PTPRD: variants seen among roughly 807,000 people sequenced by gnomAD.
The protein encoded by PTPRD is protein tyrosine phosphatase receptor type D.
In PTPRD, 34 loss-of-function variants were observed where a neutral mutation model predicts 214.5. The ratio of observed to expected loss-of-function variants is 0.16; its 90% CI spans 0.12 to 0.21. PTPRD has a LOEUF of 0.21. PTPRD is among the 10% of genes least tolerant of loss of function. PTPRD has a pLI of 1.00. For synonymous variants in PTPRD, 1,128 were observed against 845.7 expected, an observed-to-expected ratio of 1.33 and a Z score of -5.79; for missense variants, 2,545 against 2,398.7, an observed-to-expected ratio of 1.06 and a Z score of -1.27.
intron 2 of PTPRD, among the ~76,000 whole-genome samples, chr9:10,347,820 G>C (rs982341163): frequency 1.3e-5 from 2 of 152,062 alleles, no homozygotes; most frequent in Non-Finnish European, 2.9e-5. Flanking sequence ...CACTTTGGGA[G>C]GCCGAGGCAG....
intron 2 of PTPRD, among the ~76,000 whole-genome samples, chr9:10,436,876 G>T (rs562672105): frequency 6.6e-6 from 1 of 151,848 alleles, no homozygotes; most frequent in Non-Finnish European, 1.5e-5. Context: ...TGAAAACAGA[G>T]TTTAAGAGCT....
At chr9:8,504,467 T>A in intron 22 of PTPRD, 62 bp from the exon 23 acceptor site, 3 of 1,568,586 alleles carry the variant, frequency 1.9e-6, no homozygotes, top group South Asian at 2.3e-5. Flanking sequence ...TTTTTAATCA[T>A]ACTGTCTGGA....
chr9:8,798,228 T>C (rs1198301318), intron 11 of PTPRD, among the ~76,000 whole-genome samples: 2 of 152,162 alleles, frequency 1.3e-5, no homozygotes, highest in Non-Finnish European at 2.9e-5. Context: ...ATTAGATCTT[T>C]AAATAAAATA....
chr9:8,556,822 T>C (rs1593645691), intron 14 of PTPRD, among the ~76,000 whole-genome samples: 1 of 152,078 alleles, frequency 6.6e-6, no homozygotes, highest in East Asian at 1.9e-4. Context: ...CTAAAAGAGA[T>C]AGCATAGGTG....
intron 3 of PTPRD, among the ~76,000 whole-genome samples, chr9:10,329,685 T>C (rs2096714151): frequency 6.6e-6 from 1 of 151,990 alleles, no homozygotes; most frequent in Non-Finnish European, 1.5e-5. Flanking sequence ...AAATAGAACG[T>C]GTGAAATAAT....
intron 14 of PTPRD, among the ~76,000 whole-genome samples, chr9:8,540,838 C>A (rs923610185): frequency 6.6e-6 from 1 of 152,058 alleles, no homozygotes; most frequent in African/African-American, 2.4e-5. Flanking sequence ...TCAGATATGT[C>A]TAAATAATTT....
intron 3 of PTPRD, among the ~76,000 whole-genome samples, chr9:10,247,684 CTG>C (rs1389873350): frequency 6.6e-6 from 1 of 152,142 alleles, no homozygotes; most frequent in Non-Finnish European, 1.5e-5. Context: ...ATACATCTCA[CTG>C]TTTTTCATGT....
At chr9:8,448,646 C>G (rs956003155) in intron 34 of PTPRD, among the ~76,000 whole-genome samples, 1 of 152,116 alleles carries the variant, frequency 6.6e-6, no homozygotes, top group East Asian at 1.9e-4. Context: ...CATTATGATG[C>G]TTGTATAGCC....
chr9:10,276,052 T>C (rs911526446), intron 3 of PTPRD, among the ~76,000 whole-genome samples: 2 of 152,210 alleles, frequency 1.3e-5, no homozygotes, highest in Non-Finnish European at 1.5e-5. Flanking sequence ...CCTGTACTAA[T>C]GTTTAGCACA....
At chr9:8,935,417 T>A (rs2154289289) in intron 11 of PTPRD, among the ~76,000 whole-genome samples, 1 of 30,998 alleles carries the variant, frequency 3.2e-5, no homozygotes, top group African/African-American at 1.3e-4. Context: ...AATCGAAAGA[T>A]CTGTACATAG....
At chr9:9,639,855 G>C (rs2095879546) in intron 7 of PTPRD, among the ~76,000 whole-genome samples, 1 of 151,992 alleles carries the variant, frequency 6.6e-6, no homozygotes, top group South Asian at 2.1e-4. Flanking sequence ...TTATCTCTAA[G>C]CTAAATTTAT....
intron 11 of PTPRD, among the ~76,000 whole-genome samples, chr9:8,960,697 G>A (rs779492870): frequency 2.6e-5 from 4 of 152,126 alleles, no homozygotes; most frequent in Non-Finnish European, 5.9e-5. Flanking sequence ...GACTCTGGCT[G>A]AAGCCAGAGA....
At chr9:9,508,074 A>G (rs1234308469) in intron 8 of PTPRD, among the ~76,000 whole-genome samples, 1 of 151,672 alleles carries the variant, frequency 6.6e-6, no homozygotes, top group Non-Finnish European at 1.5e-5. Context: ...ATAATTTATA[A>G]GAAATGTCAG....
At position 10,345,326 on chromosome 9, in the gene PTPRD, T is replaced by C. The variant is rs1299992471; in HGVS notation, c.-599-4309A>G. On this transcript the variant is annotated intron_variant, in intron 2 of 45. Transcript: ENST00000381196. ...AGTTCTGGGATATATGGCAGGTTTG[T>C]TACATAGGTATACACATGCCATCGT... is the stretch of plus-strand genomic sequence containing the variant. 3.3e-5 allele frequency among the ~76,000 whole-genome samples: 5 copies of C among 152,290 alleles called. No individual in the cohort carries two copies. In the East Asian group the frequency reaches 9.7e-4, roughly 29 times the overall value.
intron 3 of PTPRD, among the ~76,000 whole-genome samples, chr9:10,034,406 A>C (rs76574605): frequency 9.7e-6 from 1 of 103,254 alleles, no homozygotes; most frequent in Non-Finnish European, 2.2e-5. Flanking sequence ...TCCTGGCTCT[A>C]CTTTTTTTTT....
At chr9:9,272,562 G>A (rs1052810166) in intron 9 of PTPRD, among the ~76,000 whole-genome samples, 9 of 151,164 alleles carry the variant, frequency 6.0e-5, no homozygotes, top group African/African-American at 1.7e-4. Flanking sequence ...GCGAAGGGCG[G>A]TCATCTGATG....
At chr9:9,988,537 C>A (rs779179535) in intron 4 of PTPRD, among the ~76,000 whole-genome samples, 1 of 152,092 alleles carries the variant, frequency 6.6e-6, no homozygotes, top group Non-Finnish European at 1.5e-5. Context: ...GAACATAAGT[C>A]TCAAAGATAA....
chr9:9,183,110 G>A (rs1240439456), intron 10 of PTPRD, among the ~76,000 whole-genome samples, 194 bp downstream of exon 10: 4 of 151,944 alleles, frequency 2.6e-5, no homozygotes, highest in African/African-American at 4.8e-5. Context: ...TTATTCTATT[G>A]TCATTAATAC....
chr9:8,933,469 C>T (rs752734669), intron 11 of PTPRD, among the ~76,000 whole-genome samples: 30 of 150,002 alleles, frequency 2.0e-4, no homozygotes, highest in Non-Finnish European at 4.0e-4. Flanking sequence ...CTGTAGCTTA[C>T]ATGAGTACAT....
Sources: gnomAD v4.1 joint callset for allele counts (sites outside exome capture counted in the v4.1 genomes callset) on GRCh38, gnomAD v4.1.1 for gene constraint, MANE v1.5 for transcripts, NCBI Gene and HGNC (gene_info 2026-07-23, HGNC 2026-07-21) for gene names.